The following DSCAML1 variants were observed in gnomAD, a reference collection of about 807,000 sequenced individuals.
DSCAML1 encodes the protein cell adhesion molecule DSCAML1.
DSCAML1 carries 38 observed loss-of-function variants against 200.5 expected under a neutral mutation model. That is an observed-to-expected ratio of 0.19 (90% CI 0.15 to 0.25). The LOEUF (loss-of-function observed/expected upper bound fraction) is 0.25, where lower values mean the gene tolerates loss of function less well. Among genes scored for constraint, DSCAML1 ranks in the 10% least tolerant of loss-of-function variants. The pLI, the probability that DSCAML1 is intolerant of heterozygous loss-of-function variation, is 1.00. For synonymous variants in DSCAML1, 1,215 were observed against 1,165.0 expected (o/e 1.04, Z -0.87); for missense variants, 2,223 against 2,858.8 (o/e 0.78, Z 5.07).
chr11:117,790,043 C>A (rs2134069078), intron 1 of DSCAML1, among the ~76,000 whole-genome samples: 1 of 152,218 alleles, frequency 6.6e-6, no homozygotes, highest in East Asian at 1.9e-4. Flanking sequence ...CTCCCTCTCC[C>A]ACCCCCAACG....
chr11:117,738,755 C>T (rs1159086813), intron 3 of DSCAML1, among the ~76,000 whole-genome samples: 2 of 152,212 alleles, frequency 1.3e-5, no homozygotes, highest in Admixed American at 6.5e-5. Context: ...CCCCACCCCT[C>T]TGTGGTCTGG....
rs79241529 is a variant in DSCAML1 at position 117,661,539 on chromosome 11, T to C, written c.511+115252A>G. 3.7e-3 allele frequency among the ~76,000 whole-genome samples: 560 copies of C among 152,294 alleles called. 19 individuals carry two copies. In the East Asian group the frequency reaches 0.091, roughly 25 times the overall value. On this transcript the variant is annotated intron_variant, in intron 3 of 32. Coordinates refer to ENST00000651296, the MANE Select transcript of DSCAML1 (RefSeq NM_020693.4). Reference sequence around the variant, plus strand: ...CTAGAGGGGAAGGATACAATTATTATAATGAAGCCTCCCCAGCCCCAGATT... The same window carrying C: ...CTAGAGGGGAAGGATACAATTATTACAATGAAGCCTCCCCAGCCCCAGATT...
chr11:117,776,054 C>T (rs984179728), intron 3 of DSCAML1, among the ~76,000 whole-genome samples: 1 of 152,144 alleles, frequency 6.6e-6, no homozygotes, highest in Non-Finnish European at 1.5e-5. Context: ...AAAAATCCCG[C>T]AGTTTTGTAA....
At chr11:117,429,663 C>T (rs187775317) in intron 32 of DSCAML1, among the ~76,000 whole-genome samples, 63 of 152,314 alleles carry the variant, frequency 4.1e-4, no homozygotes, top group African/African-American at 1.2e-3. Flanking sequence ...CATGAGCCGC[C>T]GCACCCAACC....
rs199849252 is a variant in DSCAML1, at chr11:117,442,378, AGT to A, written c.3862+1506_3862+1507del. On this transcript the variant is annotated intron_variant, in intron 21 of 32. Transcript: ENST00000651296. Reference sequence around the variant, plus strand: ...TGTGTATGCATATATTAGTGTGTATAGTGTGTGTATGCATGTGTGTGCACATT... The same window carrying A: ...TGTGTATGCATATATTAGTGTGTATAGTGTGTATGCATGTGTGTGCACATT... Among the ~76,000 whole-genome samples the A allele has an allele frequency of 5.5e-3, 830 of 151,514 alleles. 4 individuals carry two copies. Among genetic ancestry groups the A allele is most frequent in the Non-Finnish European group, 9.1e-3 (619 of 67,878 alleles).
At chr11:117,444,961 C>T (rs1310784528) in intron 20 of DSCAML1, among the ~76,000 whole-genome samples, 1 of 152,104 alleles carries the variant, frequency 6.6e-6, no homozygotes, top group Non-Finnish European at 1.5e-5. Flanking sequence ...GAGCGGAAGT[C>T]CAGGGAGGGA....
intron 1 of DSCAML1, among the ~76,000 whole-genome samples, chr11:117,781,288 C>A (rs1241783992): frequency 8.1e-6 from 1 of 124,026 alleles, no homozygotes. Flanking sequence ...AAGACTCTGT[C>A]TCGAAAAAAA....
chr11:117,688,133 T>C (rs1298605299), intron 3 of DSCAML1, among the ~76,000 whole-genome samples: 2 of 152,166 alleles, frequency 1.3e-5, no homozygotes, highest in Non-Finnish European at 2.9e-5. Context: ...GAATTCTCAA[T>C]AGCAGCAGCA....
At chr11:117,534,106 CTAT>C (rs1319120680) in intron 3 of DSCAML1, among the ~76,000 whole-genome samples, 1 of 152,214 alleles carries the variant, frequency 6.6e-6, no homozygotes, top group Non-Finnish European at 1.5e-5. Context: ...CCTTCTAGCC[CTAT>C]TATTTAGAGG....
At chr11:117,670,305 C>CTTT (rs2053077347) in intron 3 of DSCAML1, among the ~76,000 whole-genome samples, 3 of 152,074 alleles carry the variant, frequency 2.0e-5, no homozygotes, top group Admixed American at 2.0e-4. Flanking sequence ...ACTGCCGCCC[C>CTTT]CCAGACCGAC....
At chr11:117,762,909 T>C (rs1030957923) in intron 3 of DSCAML1, among the ~76,000 whole-genome samples, 1 of 136,716 alleles carries the variant, frequency 7.3e-6, no homozygotes, top group Non-Finnish European at 1.6e-5. Flanking sequence ...TAATTTAATA[T>C]ATATGAAACT....
At position 117,463,401 on chromosome 11, in the gene DSCAML1, T is replaced by C. The variant is rs773564279; in HGVS notation, c.3265+1541A>G. The stretch of plus-strand genomic sequence containing the variant: ...TTTTTAGAGATGGGGTCTTGCTGTA[T>C]TGTCCATGCTGGACACCCGGATTAG... On this transcript the variant is annotated intron_variant, in intron 17 of 32. Coordinates refer to ENST00000651296, the MANE Select transcript of DSCAML1 (RefSeq NM_020693.4). This position sits in a 1 kb window ranked among gnomAD's most constrained non-coding sequence, Gnocchi z 4.0. Among the ~76,000 whole-genome samples the C allele has an allele frequency of 1.3e-5, 2 of 151,914 alleles. No individual in the cohort carries two copies. Among genetic ancestry groups the C allele is most frequent in the Admixed American group, 1.3e-4 (2 of 15,246 alleles).
intron 3 of DSCAML1, among the ~76,000 whole-genome samples, chr11:117,567,074 A>C (rs1415426594): frequency 6.6e-6 from 1 of 152,240 alleles, no homozygotes. Context: ...CAGGATTTAT[A>C]GTCCTTTGGG....
At chr11:117,513,916 G>A (rs1250742822) in intron 8 of DSCAML1, among the ~76,000 whole-genome samples, 1 of 152,160 alleles carries the variant, frequency 6.6e-6, no homozygotes, top group Non-Finnish European at 1.5e-5. Context: ...GATGGCAGGA[G>A]CTGGGGGAGA....
chr11:117,676,182 A>G (rs1190337197), intron 3 of DSCAML1, among the ~76,000 whole-genome samples: 1 of 152,354 alleles, frequency 6.6e-6, no homozygotes, highest in African/African-American at 2.4e-5. Flanking sequence ...ACAAAAAAAA[A>G]AAGCAATCAT....
At chr11:117,598,287 A>AAGAT in intron 3 of DSCAML1, among the ~76,000 whole-genome samples, 1 of 152,252 alleles carries the variant, frequency 6.6e-6, no homozygotes, top group Non-Finnish European at 1.5e-5. Context: ...AAAAATTAAA[A>AAGAT]AGATAGTAGT....
At chr11:117,814,741 C>T (rs997714488) in intron 1 of DSCAML1, among the ~76,000 whole-genome samples, 1 of 152,178 alleles carries the variant, frequency 6.6e-6, no homozygotes, top group Non-Finnish European at 1.5e-5. Context: ...CTGGCAGGTG[C>T]CCAGGGTGCT....
intron 3 of DSCAML1, among the ~76,000 whole-genome samples, chr11:117,696,281 C>G (rs76981554): frequency 0.062 from 9,371 of 152,194 alleles, 938 homozygotes; most frequent in African/African-American, 0.21. Context: ...GGGGCTTGAT[C>G]TCTTCAATGG....
chr11:117,582,971 A>C (rs2051070418), intron 3 of DSCAML1, among the ~76,000 whole-genome samples: 2 of 138,364 alleles, frequency 1.4e-5, no homozygotes, highest in Admixed American at 7.2e-5. Flanking sequence ...TTATTCTCAC[A>C]ATGTGGCATA....
Sources: allele counts gnomAD v4.1 joint callset (sites outside exome capture counted in the v4.1 genomes callset), GRCh38; gene constraint gnomAD v4.1.1; non-coding constraint Gnocchi (gnomAD v3.1); transcripts MANE v1.5; gene names NCBI Gene and HGNC (gene_info 2026-07-23, HGNC 2026-07-21).